The following APOL2 variants were observed in gnomAD, a reference collection of about 807,000 sequenced individuals.
APOL2 encodes apolipoprotein L2, also known as apolipoprotein L, 2.
Under a neutral mutation model 7.1 loss-of-function variants are expected in APOL2, and 8 were observed. That is an observed-to-expected ratio of 1.12 (90% confidence interval 0.66 to 2.03). The LOEUF (loss-of-function observed/expected upper bound fraction) is 2.03, where lower values mean the gene tolerates loss of function less well. Among genes scored for constraint, APOL2 ranks in the 30% most tolerant of loss-of-function variants. The pLI is 0.00. For synonymous variants in APOL2, 177 were observed against 159.9 expected (o/e 1.11, Z -0.81); for missense variants, 471 against 415.1 (o/e 1.13, Z -1.17).
intron 1 of APOL2, 105 bp from the exon 2 acceptor site, chr22:36,233,560 G>A (rs891042748): frequency 5.8e-5 from 61 of 1,046,778 alleles, no homozygotes; most frequent in Non-Finnish European, 8.2e-5. Context: ...GGAACATTCT[G>A]ACAATGACCT....
intron 2 of APOL2, 34 bp from the exon 3 acceptor site, chr22:36,233,275 G>A: frequency 1.2e-6 from 2 of 1,611,272 alleles, no homozygotes; most frequent in Non-Finnish European, 1.7e-6. Flanking sequence ...TGGGATCGAA[G>A]GTGAGCCTCC....
intron 1 of APOL2, chr22:36,234,432 G>A (rs575850517): frequency 6.6e-6 from 1 of 152,196 alleles, no homozygotes; most frequent in South Asian, 2.1e-4. Flanking sequence ...TGGCCTTAGG[G>A]GATCCTCCCA....
rs1569532718 is a variant in APOL2 at position 36,233,158 on chromosome 22, T to C, written c.5A>G (p.Asn2Ser). The C allele has an allele frequency of 6.2e-7, 1 of 1,613,964 alleles. No homozygotes were observed. Among genetic ancestry groups the C allele is most frequent in the Non-Finnish European group, 8.5e-7 (1 of 1,179,950 alleles). Residue 2 changes from asparagine to serine, a missense_variant, in exon 3 of 5, where the codon AAC becomes AGC. Asn to Ser is a conservative substitution (Grantham distance 46). Transcript: ENST00000358502. M[N>S]PESSIFIEDY... ...GAAAGAGGAAGCGAGCCTACCTGGG[T>C]TCATGGTGCCAGCGGCTGGGTTACC...
At chr22:36,230,686 A>G (rs961233345) in intron 4 of APOL2, among the ~76,000 whole-genome samples, 6 of 152,080 alleles carry the variant, frequency 3.9e-5, no homozygotes, top group Admixed American at 2.6e-4. Context: ...TATGACATTG[A>G]ATTGCTATTC....
At chr22:36,233,089 G>A in intron 3 of APOL2, 64 bp downstream of exon 3, 1 of 1,520,338 alleles carries the variant, frequency 6.6e-7, no homozygotes, top group South Asian at 1.1e-5. Context: ...ACTCAGCTGT[G>A]GAGGTGCCAC....
chr22:36,237,962 C>T (rs373007669), intron 1 of APOL2, among the ~76,000 whole-genome samples: 14 of 152,300 alleles, frequency 9.2e-5, no homozygotes, highest in African/African-American at 2.4e-4. Flanking sequence ...ACTGTCCCCA[C>T]CATGTGCAAG....
chr22:36,239,540 C>A, upstream of APOL2: 1 of 1,573,286 alleles, frequency 6.4e-7, no homozygotes, highest in South Asian at 1.1e-5. Context: ...CCAGACACGT[C>A]CTCCGGCCTC....
At chr22:36,235,750 TGG>T (rs1491159412) in intron 1 of APOL2, among the ~76,000 whole-genome samples, 9,037 of 102,716 alleles carry the variant, frequency 0.088, 391 homozygotes, top group Admixed American at 0.11. Flanking sequence ...AAAGGGTGGG[TGG>T]GTGGGTGTGT....
chr22:36,232,548 G>A (rs1440165097), intron 3 of APOL2, among the ~76,000 whole-genome samples: 1 of 152,224 alleles, frequency 6.6e-6, no homozygotes, highest in Admixed American at 6.5e-5. Flanking sequence ...TGACAACATG[G>A]GGAAATATTA....
chr22:36,236,922 C>T, intron 1 of APOL2: 1 of 1,308,186 alleles, frequency 7.6e-7, no homozygotes, highest in Non-Finnish European at 9.7e-7. Context: ...GTCTTCCCTT[C>T]CCCTTCTTCC....
chr22:36,236,471 G>C, intron 1 of APOL2: 1 of 778,024 alleles, frequency 1.3e-6, no homozygotes, highest in Non-Finnish European at 1.6e-6. Flanking sequence ...GGAGAGGAGA[G>C]ATAGAGGGAG....
Position 36,227,366 on chromosome 22 carries a change from C to G in APOL2, c.*38G>C, listed in dbSNP as rs755953641. The G allele has an allele frequency of 6.5e-6, 10 of 1,541,846 alleles. No homozygotes were observed. The highest frequency in any genetic ancestry group is 1.7e-4 in the Middle Eastern group (1 of 5,728). On this transcript the variant is annotated 3_prime_UTR_variant, in exon 5 of 5. Coordinates refer to ENST00000358502, the MANE Select transcript of APOL2 (RefSeq NM_030882.4). The stretch of plus-strand genomic sequence containing the variant: ...AGTCTGCATTTTGTCCTGGCCTGTG[C>G]CCGGCATTTCTGCCCTGGTGGCTGC...
chr22:36,229,287 C>T (rs1034017106), intron 4 of APOL2, among the ~76,000 whole-genome samples: 3 of 152,208 alleles, frequency 2.0e-5, no homozygotes, highest in African/African-American at 7.2e-5. Flanking sequence ...TTCCATCTCC[C>T]GCCCCCACCC....
At chr22:36,231,162 A>T (rs1484873454) in intron 4 of APOL2, among the ~76,000 whole-genome samples, 178 bp downstream of exon 4, 1 of 152,218 alleles carries the variant, frequency 6.6e-6, no homozygotes, top group Admixed American at 6.5e-5. Flanking sequence ...GCCTGAGGCT[A>T]CTCACTGCCA....
Position 36,227,821 on chromosome 22 carries a change from C to A in APOL2, c.597G>T (p.Val199=). ...TNVAKVMKEF[V]GGNTPNVLTL... The stretch of plus-strand genomic sequence containing the variant: ...TAAGAACATTGGGTGTGTTCCCACC[C>A]ACAAACTCCTTCATCACCTTTGCTA... Residue 199 remains valine, a synonymous_variant, in exon 5 of 5, where the codon GTG becomes GTT. Transcript: ENST00000358502. The A allele has an allele frequency of 6.2e-7, 1 of 1,614,214 alleles. No homozygotes were observed. Among genetic ancestry groups the A allele is most frequent in the Non-Finnish European group, 8.5e-7 (1 of 1,180,038 alleles).
In APOL2 at chr22:36,227,173, G is replaced by A. The variant is rs142711250; in HGVS notation, c.*231C>T. ...CAGTGAAAATACAAAAAAATTAGCC[G>A]GGCGTGGTGGCAGGTGCCTGTAGTC... is the stretch of plus-strand genomic sequence containing the variant. On this transcript the variant is annotated 3_prime_UTR_variant, in exon 5 of 5. Coordinates refer to ENST00000358502, the MANE Select transcript of APOL2 (RefSeq NM_030882.4). 551 of 426,472 alleles carry A rather than the reference G, an allele frequency of 1.3e-3. 3 individuals are homozygous for A. The highest frequency in any genetic ancestry group is 9.9e-3 in the African/African-American group (488 of 49,238). The allele number at this position is 426,472 out of a possible 1,614,324, so 26.4% of individuals were successfully genotyped here. A position where few individuals can be genotyped will look rare whatever the true frequency, so the allele number is the denominator to read the frequency against.
At chr22:36,232,862 T>G (rs2015272432) in intron 3 of APOL2, among the ~76,000 whole-genome samples, 1 of 150,702 alleles carries the variant, frequency 6.6e-6, no homozygotes, top group Non-Finnish European at 1.5e-5. Context: ...TCCCCTCTCT[T>G]GCTTGTTCCA....
chr22:36,239,753 C>G, upstream of APOL2: 3 of 526,034 alleles, frequency 5.7e-6, no homozygotes, highest in Non-Finnish European at 1.0e-5. Context: ...CCTCAGGATT[C>G]AAGGTCTGCT....
chr22:36,227,480 C>G lies in APOL2; in HGVS notation c.938G>C (p.Arg313Pro), dbSNP rs747303739. ...GAGCTTCCCCTCCAGCTCCTGAGCC[C>G]GCTTCTTCAGCTCCTCAGCTGACTC... ...KSESAEELKK[R>P]AQELEGKLNF... Residue 313 changes from arginine to proline, a missense_variant, in exon 5 of 5, where the codon CGG becomes CCG. Physicochemically the swap from Arg to Pro is moderately radical, Grantham distance 103. Transcript: ENST00000358502. 1 of 1,614,162 alleles carries G rather than the reference C, an allele frequency of 6.2e-7. No homozygotes were observed. Among genetic ancestry groups the G allele is most frequent in the African/African-American group, 1.3e-5 (1 of 75,016 alleles).
Sources: gnomAD v4.1 joint callset for allele counts (sites outside exome capture counted in the v4.1 genomes callset) on GRCh38, gnomAD v4.1.1 for gene constraint, MANE v1.5 for transcripts, NCBI Gene and HGNC (gene_info 2026-07-23, HGNC 2026-07-21) for gene names.